CDK5RAP2: variants seen among roughly 807,000 people sequenced by gnomAD.
The protein encoded by CDK5RAP2 is CDK5 regulatory subunit-associated protein 2.
Under a neutral mutation model 232.9 loss-of-function variants are expected in CDK5RAP2, and 147 were observed. The observed-to-expected ratio is 0.63, with a 90% CI of 0.55 to 0.72. The LOEUF is 0.72. Ranked by LOEUF, CDK5RAP2 falls within the 30% of genes least tolerant of loss-of-function variation. The pLI is 0.00. For missense variants in CDK5RAP2, 2,195 were observed against 2,231.5 expected (o/e 0.98, Z 0.33); for synonymous variants, 833 against 833.7 (o/e 1.00, Z 0.01).
chr9:120,456,738 T>A (rs2131426965), intron 20 of CDK5RAP2, among the ~76,000 whole-genome samples: 1 of 152,340 alleles, frequency 6.6e-6, no homozygotes, highest in Middle Eastern at 3.4e-3. Flanking sequence ...TGACAATTGT[T>A]ATTTGGCTAG....
chr9:120,452,588 G>A (rs866866949), intron 21 of CDK5RAP2, among the ~76,000 whole-genome samples: 20 of 151,704 alleles, frequency 1.3e-4, no homozygotes, highest in Admixed American at 2.6e-4. Flanking sequence ...ATTCTTGGCC[G>A]TGGGGGGGTC....
At chr9:120,397,611 C>CT (rs950815248) in intron 35 of CDK5RAP2, among the ~76,000 whole-genome samples, 1 of 146,064 alleles carries the variant, frequency 6.8e-6, no homozygotes, top group Admixed American at 6.8e-5. Context: ...ATTATGACAC[C>CT]TTAAAAAAAA....
At chr9:120,551,564 G>A (rs913171650) in intron 3 of CDK5RAP2, among the ~76,000 whole-genome samples, 2 of 152,140 alleles carry the variant, frequency 1.3e-5, no homozygotes, top group Non-Finnish European at 2.9e-5. Context: ...CCTTTAACCT[G>A]TATCTAATCA....
At chr9:120,518,317 G>T in intron 12 of CDK5RAP2, 110 bp downstream of exon 12, 1 of 851,722 alleles carries the variant, frequency 1.2e-6, no homozygotes, top group Non-Finnish European at 1.9e-6. Context: ...GAGATAATAA[G>T]TGAAATATTT....
chr9:120,576,671 C>T lies in CDK5RAP2; in HGVS notation c.59+3249G>A, dbSNP rs372459171. 2.0e-5 allele frequency among the ~76,000 whole-genome samples: 3 copies of T among 152,128 alleles called. No individual in the cohort carries two copies. In the East Asian group the frequency reaches 5.8e-4, roughly 29 times the overall value. ...GAGCCGAAATTGCGCCACTGCACTC[C>T]AGCCTGGGCAAGGGAGTGAGACTCT... On this transcript the variant is annotated intron_variant, in intron 1 of 37. Transcript: ENST00000349780.
intron 28 of CDK5RAP2, among the ~76,000 whole-genome samples, chr9:120,412,735 C>A (rs576114268): frequency 3.6e-4 from 55 of 152,350 alleles, no homozygotes; most frequent in Non-Finnish European, 7.2e-4. Flanking sequence ...TCCTGGCACA[C>A]AACTGAATAC....
At chr9:120,551,320 A>C (rs1588635071) in intron 3 of CDK5RAP2, among the ~76,000 whole-genome samples, 1 of 152,240 alleles carries the variant, frequency 6.6e-6, no homozygotes, top group Non-Finnish European at 1.5e-5. Context: ...TAAAAGCATT[A>C]GATGAAAGAT....
At chr9:120,572,223 AAC>A (rs1474103853) in intron 1 of CDK5RAP2, among the ~76,000 whole-genome samples, 182 bp from the exon 2 acceptor site, 12 of 152,204 alleles carry the variant, frequency 7.9e-5, no homozygotes, top group Non-Finnish European at 1.5e-4. Context: ...TTCCAGCTCC[AAC>A]ACTTGATAGC....
At chr9:120,531,040 C>A (rs796863196) in intron 7 of CDK5RAP2, among the ~76,000 whole-genome samples, 1 of 151,960 alleles carries the variant, frequency 6.6e-6, no homozygotes, top group African/African-American at 2.4e-5. Context: ...AAATAAAAAA[C>A]GGTGAAACTC....
chr9:120,458,579 A>G lies in CDK5RAP2; in HGVS notation c.2246T>C (p.Leu749Ser), dbSNP rs1357962631. 1 of 1,614,064 alleles carries G rather than the reference A, an allele frequency of 6.2e-7. No individual in the cohort carries two copies. The highest frequency in any genetic ancestry group is 1.3e-5 in the African/African-American group (1 of 74,918). ...TGAAATCTTAGACTCCGTGTGCCTT[A>G]AGTATCCATTTTTGCAGCCTCCTTT... Reference protein sequence around the residue: ...LSKGGCKNGYLRHTESKISDC... With the variant: ...LSKGGCKNGYSRHTESKISDC... The change falls in exon 20 of 38, where the codon TTA becomes TCA. Residue 749 changes from leucine to serine, a missense_variant. Leu to Ser is a moderately radical substitution (Grantham distance 145). Coordinates refer to ENST00000349780, the MANE Select transcript of CDK5RAP2 (RefSeq NM_018249.6).
intron 3 of CDK5RAP2, among the ~76,000 whole-genome samples, chr9:120,565,751 G>A (rs2042624958): frequency 6.6e-6 from 1 of 152,130 alleles, no homozygotes; most frequent in Non-Finnish European, 1.5e-5. Context: ...CCCAACTCAG[G>A]CAACATCTCC....
intron 12 of CDK5RAP2, among the ~76,000 whole-genome samples, chr9:120,513,122 G>T (rs2040170858): frequency 6.6e-6 from 1 of 152,162 alleles, no homozygotes; most frequent in Non-Finnish European, 1.5e-5. Context: ...TACGCACCAA[G>T]TCAAGCCCCA....
Position 120,443,869 on chromosome 9 carries a change from T to C in CDK5RAP2, c.3026-127A>G, listed in dbSNP as rs138486753. On this transcript the variant is annotated intron_variant, in intron 22 of 37. Coordinates refer to ENST00000349780, the MANE Select transcript of CDK5RAP2 (RefSeq NM_018249.6). ...AAACACTGGGGAGGCAAAATGCAAT[T>C]TATAAGATAAAATTAATCTATCGAG... 7.4e-5 allele frequency: 89 copies of C among 1,197,138 alleles called. No homozygotes were observed. In the African/African-American group the frequency reaches 1.3e-3, roughly 17 times the overall value. 74.2% of individuals were successfully genotyped at this position (1,197,138 alleles called of 1,614,324 possible). A position where few individuals can be genotyped will look rare whatever the true frequency, so the allele number is the denominator to read the frequency against.
chr9:120,557,227 C>G (rs1019731060), intron 3 of CDK5RAP2, among the ~76,000 whole-genome samples: 1 of 152,136 alleles, frequency 6.6e-6, no homozygotes, highest in Admixed American at 6.5e-5. Flanking sequence ...CTGCTTAGTA[C>G]CACTTTCCTC....
At chr9:120,529,899 G>C in intron 8 of CDK5RAP2, 79 bp downstream of exon 8, 1 of 1,350,736 alleles carries the variant, frequency 7.4e-7, no homozygotes, top group African/African-American at 1.4e-5. Context: ...GAACCATGAG[G>C]ACCGAATGCG....
At chr9:120,551,284 T>C (rs555873717) in intron 3 of CDK5RAP2, among the ~76,000 whole-genome samples, 42 of 152,330 alleles carry the variant, frequency 2.8e-4, no homozygotes, top group African/African-American at 8.7e-4. Context: ...ACAGTAATGA[T>C]TGATTAAGGT....
At chr9:120,417,418 G>A (rs1351959338) in intron 27 of CDK5RAP2, among the ~76,000 whole-genome samples, 2 of 152,190 alleles carry the variant, frequency 1.3e-5, no homozygotes. Flanking sequence ...TCCTGCCTTG[G>A]TGCCCTGCAA....
At chr9:120,568,015 C>T (rs1449328271) in intron 3 of CDK5RAP2, among the ~76,000 whole-genome samples, 1 of 152,182 alleles carries the variant, frequency 6.6e-6, no homozygotes, top group Non-Finnish European at 1.5e-5. Context: ...AACTGTGCAA[C>T]ATGCGAACAT....
intron 3 of CDK5RAP2, among the ~76,000 whole-genome samples, chr9:120,554,719 C>G (rs1342251953): frequency 6.6e-6 from 1 of 152,052 alleles, no homozygotes; most frequent in Non-Finnish European, 1.5e-5. Flanking sequence ...CTGCAACCTC[C>G]ACCTCCCGGG....
Sources: gnomAD v4.1 joint callset for allele counts (sites outside exome capture counted in the v4.1 genomes callset) on GRCh38, gnomAD v4.1.1 for gene constraint, MANE v1.5 for transcripts, NCBI Gene and HGNC (gene_info 2026-07-23, HGNC 2026-07-21) for gene names.